The following CCDC178 variants were observed in gnomAD, a reference collection of about 807,000 sequenced individuals.
The protein encoded by CCDC178 is coiled-coil domain-containing protein 178.
CCDC178 carries 126 observed loss-of-function variants against 117.4 expected under a neutral mutation model. The ratio of observed to expected loss-of-function variants is 1.07; its 90% CI spans 0.93 to 1.24. The LOEUF is 1.24. Among genes scored for constraint, CCDC178 ranks in the 50% most tolerant of loss-of-function variants. The pLI is 0.00. For missense variants in CCDC178, 1,030 were observed against 986.9 expected, an observed-to-expected ratio of 1.04 and a Z score of -0.59; for synonymous variants, 283 against 313.4, an observed-to-expected ratio of 0.90 and a Z score of 1.02.
chr18:33,382,011 T>C (rs866794651), intron 5 of CCDC178, among the ~76,000 whole-genome samples: 1 of 152,232 alleles, frequency 6.6e-6, no homozygotes, highest in Admixed American at 6.5e-5. Flanking sequence ...TGCCGTCTTA[T>C]AAATCTGTTC....
At chr18:33,209,568 C>T (rs1033965653) in intron 20 of CCDC178, among the ~76,000 whole-genome samples, 24 of 151,996 alleles carry the variant, frequency 1.6e-4, no homozygotes, top group Non-Finnish European at 2.9e-5. Flanking sequence ...TACACCTTTA[C>T]CACTTCCTAA....
At chr18:32,970,979 TTTTA>T (rs1377591720) in intron 22 of CCDC178, among the ~76,000 whole-genome samples, 2 of 151,904 alleles carry the variant, frequency 1.3e-5, no homozygotes, top group South Asian at 2.1e-4. Flanking sequence ...GGTCAGGTGG[TTTTA>T]TTTATTTATA....
chr18:32,938,227 T>C, intron 22 of CCDC178, 136 bp from the exon 23 acceptor site: 1 of 641,562 alleles, frequency 1.6e-6, no homozygotes, highest in East Asian at 2.7e-5. Context: ...TTCTCCTTTA[T>C]AGGAGACAAA....
intron 21 of CCDC178, among the ~76,000 whole-genome samples, chr18:33,073,691 C>T (rs1297303204): frequency 2.0e-5 from 3 of 151,874 alleles, no homozygotes; most frequent in East Asian, 1.9e-4. Flanking sequence ...AAATATTTGC[C>T]GGGCACTTCT....
intron 12 of CCDC178, among the ~76,000 whole-genome samples, chr18:33,277,635 C>T (rs1370630445): frequency 6.6e-6 from 1 of 152,066 alleles, no homozygotes; most frequent in African/African-American, 2.4e-5. Context: ...GTTGTAATCT[C>T]ATTACAGTTC....
At chr18:33,093,424 T>C (rs925349690) in intron 20 of CCDC178, among the ~76,000 whole-genome samples, 2 of 152,064 alleles carry the variant, frequency 1.3e-5, no homozygotes, top group African/African-American at 2.4e-5. Context: ...AGACAAAGAA[T>C]AGGGAATGCA....
At chr18:33,327,585 G>C (rs2062602423) in intron 10 of CCDC178, among the ~76,000 whole-genome samples, 1 of 152,012 alleles carries the variant, frequency 6.6e-6, no homozygotes, top group Non-Finnish European at 1.5e-5. Context: ...AAATTACAAT[G>C]GTTCCAGTGT....
chr18:33,311,838 C>A (rs554792687), intron 11 of CCDC178, among the ~76,000 whole-genome samples: 1 of 152,280 alleles, frequency 6.6e-6, no homozygotes, highest in Non-Finnish European at 1.5e-5. Flanking sequence ...ACATAGGAAC[C>A]ACCTACAAGG....
At chr18:33,182,075 T>C (rs976697170) in intron 20 of CCDC178, among the ~76,000 whole-genome samples, 1 of 151,794 alleles carries the variant, frequency 6.6e-6, no homozygotes, top group Admixed American at 6.6e-5. Context: ...AAATGCAAAA[T>C]AGCTGACACA....
intron 8 of CCDC178, among the ~76,000 whole-genome samples, chr18:33,348,136 A>G (rs1381314380): frequency 2.0e-5 from 3 of 152,008 alleles, no homozygotes; most frequent in African/African-American, 7.2e-5. Flanking sequence ...TATAGGCACA[A>G]ATAATGAAAA....
At chr18:33,127,862 C>T (rs1308088290) in intron 20 of CCDC178, among the ~76,000 whole-genome samples, 1 of 152,094 alleles carries the variant, frequency 6.6e-6, no homozygotes, top group East Asian at 1.9e-4. Context: ...ATCTGAACTA[C>T]CCTCCAGTCA....
chr18:32,992,840 C>G (rs1377676483), intron 21 of CCDC178, among the ~76,000 whole-genome samples: 12 of 151,898 alleles, frequency 7.9e-5, no homozygotes, highest in Admixed American at 7.9e-4. Flanking sequence ...TTAGATGGAC[C>G]AAGATAATAT....
chr18:33,066,330 C>T (rs2057016082), intron 21 of CCDC178, among the ~76,000 whole-genome samples: 1 of 151,948 alleles, frequency 6.6e-6, no homozygotes, highest in Non-Finnish European at 1.5e-5. Context: ...AAACTCACTA[C>T]CACAGTAGAT....
chr18:33,224,635 A>C (rs2144629709), intron 17 of CCDC178, 140 bp downstream of exon 17: 1 of 480,476 alleles, frequency 2.1e-6, no homozygotes, highest in East Asian at 3.4e-5. Context: ...CTGCAGATCA[A>C]GTTGCGTGGT....
At chr18:33,054,364 C>T (rs2056793460) in intron 21 of CCDC178, among the ~76,000 whole-genome samples, 1 of 152,088 alleles carries the variant, frequency 6.6e-6, no homozygotes. Flanking sequence ...CACAGATCAC[C>T]CCATCACCTA....
rs56111462 is a variant in CCDC178 at position 33,432,478 on chromosome 18, TACACACACACAC to T, written c.-23+7472_-23+7483del. ...ATATAATTCTCTCATGCCTTCTCCA[TACACACACACAC>T]ACACACACACACACACACACACACA... On this transcript the variant is annotated intron_variant, in intron 2 of 22. Coordinates refer to ENST00000383096, the MANE Select transcript of CCDC178 (RefSeq NM_001105528.4). Among the ~76,000 whole-genome samples the T allele has an allele frequency of 1.4e-3, 199 of 143,400 alleles. 1 individual carries two copies. The highest frequency in any genetic ancestry group is 1.9e-3 in the South Asian group (8 of 4,270). 94.1% of individuals were successfully genotyped at this position (143,400 alleles called of 152,430 possible). A position where few individuals can be genotyped will look rare whatever the true frequency, so the allele number is the denominator to read the frequency against.
intron 5 of CCDC178, among the ~76,000 whole-genome samples, chr18:33,384,701 C>G (rs1295183534): frequency 6.6e-6 from 1 of 152,176 alleles, no homozygotes; most frequent in Non-Finnish European, 1.5e-5. Flanking sequence ...CTTGCAAGAG[C>G]TTCTGAAGGA....
intron 21 of CCDC178, among the ~76,000 whole-genome samples, chr18:33,024,519 A>G (rs909465138): frequency 1.3e-5 from 2 of 152,106 alleles, no homozygotes; most frequent in African/African-American, 4.8e-5. Flanking sequence ...TAAAGGCTCT[A>G]CCTCCAAATA....
intron 21 of CCDC178, among the ~76,000 whole-genome samples, chr18:33,085,494 C>T (rs1314946207): frequency 6.6e-6 from 1 of 151,894 alleles, no homozygotes; most frequent in Non-Finnish European, 1.5e-5. Flanking sequence ...ACCTGGGAGG[C>T]GGAGCTTGCA....
Sources: allele counts gnomAD v4.1 joint callset (sites outside exome capture counted in the v4.1 genomes callset), GRCh38; gene constraint gnomAD v4.1.1; transcripts MANE v1.5; gene names NCBI Gene and HGNC (gene_info 2026-07-23, HGNC 2026-07-21).